The following CCDC85A variants were observed in gnomAD, a reference collection of about 807,000 sequenced individuals.
The protein encoded by CCDC85A is coiled-coil domain-containing protein 85A.
In CCDC85A, 38 loss-of-function variants were observed where a neutral mutation model predicts 50.2. The observed-to-expected ratio is 0.76, with a 90% CI of 0.58 to 0.99. The LOEUF (loss-of-function observed/expected upper bound fraction) is 0.99. CCDC85A is among the 50% of genes least tolerant of loss of function. The probability of loss-of-function intolerance (pLI) is 0.00; values close to 1 mark genes in which losing one functional copy is unlikely to be tolerated. For synonymous variants in CCDC85A, 366 were observed against 301.4 expected (o/e 1.21, Z -2.22); for missense variants, 820 against 742.0 (o/e 1.11, Z -1.22).
rs1676741510 is a variant in CCDC85A at position 56,384,532 on chromosome 2, T to C, written c.*177T>C. 1 of 563,390 alleles carries C rather than the reference T, an allele frequency of 1.8e-6. No individual in the cohort carries two copies. The highest frequency in any genetic ancestry group is 3.8e-4 in the Middle Eastern group (1 of 2,648). 34.9% of individuals were successfully genotyped at this position (563,390 alleles called of 1,614,324 possible). On this transcript the variant is annotated 3_prime_UTR_variant, in exon 6 of 6. Coordinates refer to ENST00000407595, the MANE Select transcript of CCDC85A (RefSeq NM_001080433.2). ...TACAACTTCTCCCCTCAAGCTGATATTCTGTGTCTCTCACCTCAATGTCCA... is the reference window on the plus strand; with the variant it reads ...TACAACTTCTCCCCTCAAGCTGATACTCTGTGTCTCTCACCTCAATGTCCA...
At chr2:56,196,926 G>T (rs1004737285) in intron 2 of CCDC85A, among the ~76,000 whole-genome samples, 11 of 151,682 alleles carry the variant, frequency 7.3e-5, no homozygotes, top group African/African-American at 2.4e-4. Context: ...TATCCTGGTG[G>T]GTCTGATTCC....
intron 2 of CCDC85A, among the ~76,000 whole-genome samples, chr2:56,194,019 G>C (rs1432810986): frequency 6.6e-6 from 1 of 152,132 alleles, no homozygotes; most frequent in African/African-American, 2.4e-5. Context: ...TTGTGTTGGA[G>C]GCCTGAATCT....
At chr2:56,275,668 T>A (rs1670900896) in intron 2 of CCDC85A, among the ~76,000 whole-genome samples, 1 of 152,234 alleles carries the variant, frequency 6.6e-6, no homozygotes, top group Non-Finnish European at 1.5e-5. Flanking sequence ...GTTCTAGTTT[T>A]AATCCGGCTT....
chr2:56,262,522 A>G (rs1205922768), intron 2 of CCDC85A, among the ~76,000 whole-genome samples: 1 of 152,186 alleles, frequency 6.6e-6, no homozygotes, highest in Non-Finnish European at 1.5e-5. Flanking sequence ...GTGTGACTCA[A>G]GTGTCCCCAG....
At chr2:56,298,556 A>G (rs556343164) in intron 2 of CCDC85A, among the ~76,000 whole-genome samples, 60 of 152,284 alleles carry the variant, frequency 3.9e-4, no homozygotes, top group African/African-American at 1.4e-3. Context: ...TCTGTTGTAT[A>G]TGGTATCATG....
At chr2:56,345,477 T>A (rs564631709) in intron 3 of CCDC85A, among the ~76,000 whole-genome samples, 2 of 152,334 alleles carry the variant, frequency 1.3e-5, no homozygotes, top group East Asian at 1.9e-4. Context: ...GTTGGACATA[T>A]GCAAAGAATG....
chr2:56,304,769 C>T (rs1042907453), intron 2 of CCDC85A, among the ~76,000 whole-genome samples: 1 of 151,926 alleles, frequency 6.6e-6, no homozygotes. Flanking sequence ...TGGGATAAGG[C>T]TGGGCGCAGC....
At chr2:56,294,789 A>C (rs1671875460) in intron 2 of CCDC85A, among the ~76,000 whole-genome samples, 1 of 152,222 alleles carries the variant, frequency 6.6e-6, no homozygotes, top group Admixed American at 6.5e-5. Flanking sequence ...ATCACATTTA[A>C]AACTCTTAAG....
In CCDC85A at chr2:56,376,085, A is replaced by T. The variant is rs1676323555; in HGVS notation, c.1572+150A>T. The T allele has an allele frequency of 1.7e-5, 14 of 823,694 alleles. No individual in the cohort carries two copies. The South Asian group carries it at 3.2e-4, about 19-fold the overall frequency. 51.0% of individuals were successfully genotyped at this position (823,694 alleles called of 1,614,324 possible). A position where few individuals can be genotyped will look rare whatever the true frequency, so the allele number is the denominator to read the frequency against. On this transcript the variant is annotated intron_variant, in intron 5 of 5. Coordinates refer to ENST00000407595, the MANE Select transcript of CCDC85A (RefSeq NM_001080433.2). Reference sequence around the variant, plus strand: ...GTAACTTTTTAAATCTTAATTTTTGAAGTATGATTTTTATTGTTCTAAACT... The same window carrying T: ...GTAACTTTTTAAATCTTAATTTTTGTAGTATGATTTTTATTGTTCTAAACT...
At chr2:56,263,500 C>T (rs1435122036) in intron 2 of CCDC85A, among the ~76,000 whole-genome samples, 1 of 152,122 alleles carries the variant, frequency 6.6e-6, no homozygotes, top group Non-Finnish European at 1.5e-5. Flanking sequence ...GAGCCCTGGC[C>T]AGGATATTTC....
intron 2 of CCDC85A, among the ~76,000 whole-genome samples, chr2:56,305,303 G>T (rs1672393651): frequency 6.6e-6 from 1 of 152,130 alleles, no homozygotes; most frequent in Non-Finnish European, 1.5e-5. Flanking sequence ...AAACTTATTT[G>T]ATCTTCCAAC....
intron 5 of CCDC85A, among the ~76,000 whole-genome samples, chr2:56,381,063 A>T (rs1390308271): frequency 1.3e-5 from 2 of 152,020 alleles, no homozygotes; most frequent in African/African-American, 4.8e-5. Flanking sequence ...TCCCCTGGGC[A>T]TTTTTTATGT....
chr2:56,346,707 C>G (rs949892954), intron 3 of CCDC85A, among the ~76,000 whole-genome samples: 2 of 152,208 alleles, frequency 1.3e-5, no homozygotes, highest in Non-Finnish European at 2.9e-5. Flanking sequence ...GAAAATGCCT[C>G]TTCAAAGTTA....
chr2:56,346,004 A>G (rs1442249233), intron 3 of CCDC85A, among the ~76,000 whole-genome samples: 1 of 152,188 alleles, frequency 6.6e-6, no homozygotes, highest in Non-Finnish European at 1.5e-5. Flanking sequence ...TTGAATAAAC[A>G]GAAGTAAGAA....
intron 2 of CCDC85A, among the ~76,000 whole-genome samples, chr2:56,205,756 T>G (rs2103863366): frequency 6.6e-6 from 1 of 152,318 alleles, no homozygotes; most frequent in East Asian, 1.9e-4. Flanking sequence ...TCAACAAATA[T>G]TTATTGTGTA....
chr2:56,294,294 G>A (rs986939003), intron 2 of CCDC85A, among the ~76,000 whole-genome samples: 13 of 152,156 alleles, frequency 8.5e-5, no homozygotes, highest in African/African-American at 3.1e-4. Flanking sequence ...TTGGGGGGTG[G>A]CAGGGGAAGG....
intron 2 of CCDC85A, among the ~76,000 whole-genome samples, chr2:56,320,470 C>T (rs567706158): frequency 6.2e-4 from 94 of 152,160 alleles, no homozygotes; most frequent in Non-Finnish European, 7.1e-4. Flanking sequence ...CACCACCGAT[C>T]CCACAGAAAT....
intron 3 of CCDC85A, among the ~76,000 whole-genome samples, chr2:56,344,574 A>G (rs1674538546): frequency 6.6e-6 from 1 of 152,250 alleles, no homozygotes. Context: ...GTTAAAATTC[A>G]TGATGACAGA....
chr2:56,330,611 A>G (rs1021860695), intron 2 of CCDC85A, among the ~76,000 whole-genome samples: 2 of 152,174 alleles, frequency 1.3e-5, no homozygotes, highest in Non-Finnish European at 2.9e-5. Context: ...GCAAAGTTTC[A>G]CCATATGGAG....
Sources: allele counts gnomAD v4.1 joint callset (sites outside exome capture counted in the v4.1 genomes callset), GRCh38; gene constraint gnomAD v4.1.1; transcripts MANE v1.5; gene names NCBI Gene and HGNC (gene_info 2026-07-23, HGNC 2026-07-21).